The following MIGA1 variants were observed in gnomAD, a reference collection of about 807,000 sequenced individuals.
The protein encoded by MIGA1 is mitoguardin 1, also known as family with sequence similarity 73, member A.
In MIGA1, 58 loss-of-function variants were observed where a neutral mutation model predicts 82.0. That is an observed-to-expected ratio of 0.71 (90% confidence interval 0.57 to 0.88). MIGA1 has a LOEUF of 0.88. Among genes scored for constraint, MIGA1 ranks in the 40% least tolerant of loss-of-function variants. MIGA1 has a pLI of 0.00. For synonymous variants in MIGA1, 249 were observed against 253.6 expected, an observed-to-expected ratio of 0.98 and a Z score of 0.17; for missense variants, 751 against 749.1, an observed-to-expected ratio of 1.00 and a Z score of -0.03.
At position 77,864,206 on chromosome 1, in the gene MIGA1, C is replaced by CA. The variant is rs879581853; in HGVS notation, c.1509+192dup. On this transcript the variant is annotated intron_variant, in intron 13 of 15. Coordinates refer to ENST00000370791, the MANE Select transcript of MIGA1 (RefSeq NM_198549.4). ...TGAAACCCCATCTCTACTAAAAATACAAAAAAAAAAAAAATTAGCTGGGCA... is the reference window on the plus strand; with the variant it reads ...TGAAACCCCATCTCTACTAAAAATACAAAAAAAAAAAAAAATTAGCTGGGCA... Among the ~76,000 whole-genome samples the CA allele has an allele frequency of 7.9e-3, 1,016 of 128,564 alleles. 4 individuals are homozygous for CA. Among genetic ancestry groups the CA allele is most frequent in the Non-Finnish European group, 0.011 (636 of 59,642 alleles). 84.3% of individuals were successfully genotyped at this position (128,564 alleles called of 152,430 possible).
chr1:77,849,107 A>C (rs1256154139), intron 8 of MIGA1, among the ~76,000 whole-genome samples: 2 of 152,238 alleles, frequency 1.3e-5, no homozygotes, highest in African/African-American at 4.8e-5. Flanking sequence ...CAACCATTAA[A>C]AAATAATTTT....
At chr1:77,811,226 C>G in intron 5 of MIGA1, 1 of 1,557,476 alleles carries the variant, frequency 6.4e-7, no homozygotes, top group Non-Finnish European at 8.9e-7. Context: ...ATATAGGGAT[C>G]GATGCACTGC....
intron 2 of MIGA1, among the ~76,000 whole-genome samples, chr1:77,787,306 A>C (rs1266830370): frequency 6.6e-6 from 1 of 151,958 alleles, no homozygotes; most frequent in Non-Finnish European, 1.5e-5. Flanking sequence ...TATTTCCCTG[A>C]TGATGTTGAG....
At chr1:77,795,641 T>C (rs1046811532) in intron 2 of MIGA1, among the ~76,000 whole-genome samples, 4 of 151,430 alleles carry the variant, frequency 2.6e-5, no homozygotes, top group African/African-American at 9.7e-5. Context: ...TCTTTTTTTT[T>C]TTTTTTTGGA....
At chr1:77,826,322 G>A (rs1461968639) in intron 7 of MIGA1, among the ~76,000 whole-genome samples, 2 of 152,076 alleles carry the variant, frequency 1.3e-5, no homozygotes, top group East Asian at 3.9e-4. Context: ...ACCTTTTTCC[G>A]GGTTAGAAAT....
intron 2 of MIGA1, among the ~76,000 whole-genome samples, chr1:77,792,527 C>T (rs1299865818): frequency 6.6e-6 from 1 of 152,144 alleles, no homozygotes; most frequent in African/African-American, 2.4e-5. Flanking sequence ...AAAGTTTCTA[C>T]AGTTTGTTTC....
At chr1:77,787,340 C>T (rs190259247) in intron 2 of MIGA1, among the ~76,000 whole-genome samples, 1 of 150,868 alleles carries the variant, frequency 6.6e-6, no homozygotes, top group East Asian at 1.9e-4. Context: ...GCTTATTGAC[C>T]ATTTATATGT....
In MIGA1 at chr1:77,861,260, A is replaced by T. The variant is rs1685443864; in HGVS notation, c.1312A>T (p.Ile438Phe). ...GTTTGAAGATGTTTTTGATGAAATG[A>T]TCTATTTTTTAGAGCAGACCGATCA... The change falls in exon 12 of 16, where the codon ATC becomes TTC. Residue 438 changes from isoleucine (I) to phenylalanine (F), a missense_variant. Physicochemically the swap from Ile to Phe is conservative, Grantham distance 21 (BLOSUM62 0). Transcript: ENST00000370791. 1 of 1,613,244 alleles carries T rather than the reference A, an allele frequency of 6.2e-7. No individual in the cohort carries two copies. Among genetic ancestry groups the T allele is most frequent in the African/African-American group, 1.3e-5 (1 of 74,906 alleles).
chr1:77,823,043 A>T (rs1290694630), intron 7 of MIGA1, among the ~76,000 whole-genome samples: 1 of 151,856 alleles, frequency 6.6e-6, no homozygotes, highest in African/African-American at 2.4e-5. Context: ...GGGTTTCACC[A>T]CGTTGACCAG....
Position 77,801,395 on chromosome 1 carries a change from T to A in MIGA1, c.260T>A (p.Ile87Asn). 6.2e-7 allele frequency: 1 copy of A among 1,607,034 alleles called. No individual in the cohort carries two copies. Among genetic ancestry groups the A allele is most frequent in the Non-Finnish European group, 8.5e-7 (1 of 1,178,756 alleles). The change falls in exon 3 of 16, where the codon ATT becomes AAT. Residue 87 changes from isoleucine to asparagine, a missense_variant. Physicochemically the swap from Ile to Asn is moderately radical, Grantham distance 149. Transcript: ENST00000370791. ...ACTGCAGTGAGTGCTATATCTGTAA[T>A]TTTTCTGGCTCATCACTTTAAAAGA...
At chr1:77,867,683 G>A (rs1685728262) in intron 14 of MIGA1, among the ~76,000 whole-genome samples, 1 of 152,212 alleles carries the variant, frequency 6.6e-6, no homozygotes, top group Non-Finnish European at 1.5e-5. Context: ...GCTTGGCATA[G>A]TGCATTAAGC....
chr1:77,874,246 T>A (rs1374416891), intron 15 of MIGA1, among the ~76,000 whole-genome samples: 1 of 152,136 alleles, frequency 6.6e-6, no homozygotes, highest in Non-Finnish European at 1.5e-5. Flanking sequence ...TGAGTTTCAG[T>A]GTATATAATA....
chr1:77,874,014 G>C (rs1458745482), intron 15 of MIGA1, among the ~76,000 whole-genome samples: 1 of 152,160 alleles, frequency 6.6e-6, no homozygotes, highest in African/African-American at 2.4e-5. Context: ...AAACGAGGGA[G>C]CCTAACAGGT....
chr1:77,859,103 T>C lies in MIGA1; in HGVS notation c.1115+47T>C, dbSNP rs149394232. On this transcript the variant is annotated intron_variant, in intron 9 of 15. Coordinates refer to ENST00000370791, the MANE Select transcript of MIGA1 (RefSeq NM_198549.4). ...TGTTTATGAAGGATATTAAGGTGTT[T>C]GTGTGGTACTTACTAAAAATGTTTA... 1,577 of 1,177,868 alleles carry C rather than the reference T, an allele frequency of 1.3e-3. 13 individuals are homozygous for C. In the African/African-American group the frequency reaches 0.021, roughly 15 times the overall value. The allele number at this position is 1,177,868 out of a possible 1,614,324, so 73.0% of individuals were successfully genotyped here.
intron 2 of MIGA1, among the ~76,000 whole-genome samples, chr1:77,786,839 C>G (rs1682182729): frequency 6.6e-6 from 1 of 152,240 alleles, no homozygotes; most frequent in Non-Finnish European, 1.5e-5. Context: ...ATTTGAACCT[C>G]TGCCTGTTAT....
intron 5 of MIGA1, chr1:77,810,957 T>C: frequency 6.2e-7 from 1 of 1,612,080 alleles, no homozygotes; most frequent in South Asian, 1.1e-5. Context: ...GTTTCTTGTA[T>C]AGTTCTATTA....
At chr1:77,874,311 GTTCT>G (rs575825921) in intron 15 of MIGA1, among the ~76,000 whole-genome samples, 188 of 151,576 alleles carry the variant, frequency 1.2e-3, no homozygotes, top group Non-Finnish European at 2.4e-3. Flanking sequence ...GACCTGAAAT[GTTCT>G]TTATTTTTCA....
intron 8 of MIGA1, among the ~76,000 whole-genome samples, chr1:77,855,384 G>A (rs1279874187): frequency 6.6e-6 from 1 of 152,046 alleles, no homozygotes; most frequent in Non-Finnish European, 1.5e-5. Context: ...GCTCTTTTTT[G>A]GTTGCATATG....
At chr1:77,821,640 C>T (rs544982628) in intron 7 of MIGA1, among the ~76,000 whole-genome samples, 10 of 152,142 alleles carry the variant, frequency 6.6e-5, no homozygotes, top group Non-Finnish European at 1.3e-4. Context: ...GTGATCCGCC[C>T]GCCTCCGCCC....
Sources: gnomAD v4.1 joint callset for allele counts (sites outside exome capture counted in the v4.1 genomes callset) on GRCh38, gnomAD v4.1.1 for gene constraint, MANE v1.5 for transcripts, NCBI Gene and HGNC (gene_info 2026-07-23, HGNC 2026-07-21) for gene names.